ABLIM1: variants seen among roughly 807,000 people sequenced by gnomAD.
ABLIM1 encodes the protein actin binding LIM protein 1.
Under a neutral mutation model 107.0 loss-of-function variants are expected in ABLIM1, and 40 were observed. That is an observed-to-expected ratio of 0.37 (90% CI 0.29 to 0.49). The LOEUF is 0.49. ABLIM1 is among the 20% of genes least tolerant of loss of function. The pLI, the probability that ABLIM1 is intolerant of heterozygous loss-of-function variation, is 0.97. For missense variants in ABLIM1, 857 were observed against 1,008.5 expected, an observed-to-expected ratio of 0.85 and a Z score of 2.04; for synonymous variants, 357 against 357.3, an observed-to-expected ratio of 1.00 and a Z score of 0.01.
intron 6 of ABLIM1, among the ~76,000 whole-genome samples, chr10:114,498,716 T>C (rs1225418983): frequency 6.6e-6 from 1 of 152,152 alleles, no homozygotes; most frequent in Non-Finnish European, 1.5e-5. Flanking sequence ...TTTAAAACAA[T>C]TGATCAAGAA....
At chr10:114,787,366 C>T in the ABLIM1 span, among the ~76,000 whole-genome samples, 1 of 150,572 alleles carries the variant, frequency 6.6e-6, no homozygotes, top group African/African-American at 2.4e-5. Flanking sequence ...AAGTGAGGAG[C>T]GTCTCCACCC....
the ABLIM1 span, among the ~76,000 whole-genome samples, chr10:114,781,121 G>C: frequency 6.6e-6 from 1 of 152,096 alleles, no homozygotes; most frequent in African/African-American, 2.4e-5. Flanking sequence ...TTTGATGCCA[G>C]TACTAATGTT....
chr10:114,638,604 C>A (rs1315734304), intron 1 of ABLIM1, among the ~76,000 whole-genome samples: 2 of 150,792 alleles, frequency 1.3e-5, no homozygotes, highest in East Asian at 3.9e-4. Flanking sequence ...TAAAGAGCCT[C>A]TCGTCCCATG....
At chr10:114,494,096 T>C (rs1390376728) in intron 6 of ABLIM1, among the ~76,000 whole-genome samples, 1 of 152,312 alleles carries the variant, frequency 6.6e-6, no homozygotes, top group East Asian at 1.9e-4. Flanking sequence ...ACCAGTTGCA[T>C]AGCCATACAT....
At chr10:114,628,342 T>G (rs963425763) in intron 1 of ABLIM1, among the ~76,000 whole-genome samples, 3 of 152,258 alleles carry the variant, frequency 2.0e-5, no homozygotes, top group Admixed American at 6.5e-5. Flanking sequence ...GTGCTGCTGG[T>G]ATGTAGAGGT....
intron 2 of ABLIM1, among the ~76,000 whole-genome samples, chr10:114,584,002 A>G (rs1393046953): frequency 6.6e-6 from 1 of 152,030 alleles, no homozygotes; most frequent in East Asian, 1.9e-4. Context: ...TAGAAAAGCT[A>G]CCTATTGGGT....
chr10:114,653,293 A>G (rs2079338994), intron 1 of ABLIM1, among the ~76,000 whole-genome samples: 2 of 152,240 alleles, frequency 1.3e-5, no homozygotes, highest in Admixed American at 1.3e-4. Flanking sequence ...TGTAATCTCA[A>G]CACTTTGGGA....
At chr10:114,518,247 A>C (rs926378667) in intron 6 of ABLIM1, among the ~76,000 whole-genome samples, 3 of 152,200 alleles carry the variant, frequency 2.0e-5, no homozygotes, top group Admixed American at 2.0e-4. Context: ...CGTATTTGTA[A>C]GTATCTGCAT....
At position 114,684,292 on chromosome 10, in the gene ABLIM1, T is replaced by C. The variant is rs553793433; in HGVS notation, c.62A>G (p.Lys21Arg). 9 of 1,613,852 alleles carry C rather than the reference T, an allele frequency of 5.6e-6. No homozygotes were observed. The South Asian group carries it at 7.7e-5, about 14-fold the overall frequency. Residue 21 changes from lysine to arginine, a missense_variant and splice_region_variant, in exon 1 of 24, where the codon AAA becomes AGA. Coordinates refer to the ABLIM1 transcript ENST00000369256. Reference sequence around the variant, plus strand: ...CTTTACAAAATGGACGGTCTAACCTTTGTAGTCTCCCATGGTGTGATGAGG... The same window carrying C: ...CTTTACAAAATGGACGGTCTAACCTCTGTAGTCTCCCATGGTGTGATGAGG...
At chr10:114,504,370 C>T (rs778545959) in intron 6 of ABLIM1, among the ~76,000 whole-genome samples, 2 of 151,378 alleles carry the variant, frequency 1.3e-5, no homozygotes, top group African/African-American at 4.8e-5. Flanking sequence ...TCTCCTAAGT[C>T]CATTCCCCAC....
At chr10:114,734,419 C>T (rs2082137404) in intron 1 of ABLIM1, among the ~76,000 whole-genome samples, 2 of 152,168 alleles carry the variant, frequency 1.3e-5, no homozygotes, top group African/African-American at 4.8e-5. Context: ...AACCTTACTC[C>T]AATGACACTC....
intron 9 of ABLIM1, among the ~76,000 whole-genome samples, chr10:114,473,503 T>C (rs2066979526): frequency 1.3e-5 from 2 of 152,208 alleles, no homozygotes; most frequent in Non-Finnish European, 2.9e-5. Flanking sequence ...AATATTTAAA[T>C]ATCTTTGTGG....
chr10:114,491,169 C>T (rs1464350231), intron 7 of ABLIM1, among the ~76,000 whole-genome samples: 1 of 151,562 alleles, frequency 6.6e-6, no homozygotes, highest in East Asian at 1.9e-4. Context: ...TAAAAAGTAC[C>T]TCTTTGACAC....
intron 2 of ABLIM1, among the ~76,000 whole-genome samples, chr10:114,578,785 CTTTTTTTT>C (rs35420465): frequency 9.0e-6 from 1 of 111,720 alleles, no homozygotes; most frequent in Non-Finnish European, 1.7e-5. Flanking sequence ...TCTTTCTTTT[CTTTTTTTT>C]TTTTTTTTTG....
chr10:114,574,111 A>G (rs2072114866), intron 3 of ABLIM1, among the ~76,000 whole-genome samples: 1 of 152,208 alleles, frequency 6.6e-6, no homozygotes, highest in African/African-American at 2.4e-5. Flanking sequence ...ACAATATTGA[A>G]TCTTCCCTTC....
Position 114,649,504 on chromosome 10 carries a change from C to T in ABLIM1, c.244+8453G>A, listed in dbSNP as rs1429588388. On this transcript the variant is annotated intron_variant, in intron 1 of 22. Coordinates refer to ENST00000533213, the MANE Select transcript of ABLIM1 (RefSeq NM_002313.7). The stretch of plus-strand genomic sequence containing the variant: ...TCTACCTTTGAGAAATATCTAGAAT[C>T]CTCGTGCATATCATATCATAGTCTA... Among the ~76,000 whole-genome samples the T allele has an allele frequency of 2.6e-5, 4 of 151,944 alleles. No individual in the cohort carries two copies. In the East Asian group the frequency reaches 5.8e-4, roughly 22 times the overall value.
intron 7 of ABLIM1, among the ~76,000 whole-genome samples, chr10:114,490,799 T>C (rs988966689): frequency 3.3e-5 from 5 of 151,130 alleles, no homozygotes; most frequent in East Asian, 1.9e-4. Context: ...CCTTTATATA[T>C]ATATGTATGC....
At chr10:114,645,912 A>G (rs1335121964) in intron 1 of ABLIM1, among the ~76,000 whole-genome samples, 8 of 152,178 alleles carry the variant, frequency 5.3e-5, no homozygotes, top group Admixed American at 3.9e-4. Context: ...ATTTTATAAC[A>G]TTTACACATA....
chr10:114,584,807 CAG>C (rs1293437432), intron 2 of ABLIM1, among the ~76,000 whole-genome samples: 1 of 152,098 alleles, frequency 6.6e-6, no homozygotes, highest in Non-Finnish European at 1.5e-5. Flanking sequence ...GTATTTAATT[CAG>C]AGTTTGAATT....
Sources: allele counts gnomAD v4.1 joint callset (sites outside exome capture counted in the v4.1 genomes callset), GRCh38; gene constraint gnomAD v4.1.1; transcripts MANE v1.5; gene names NCBI Gene and HGNC (gene_info 2026-07-23, HGNC 2026-07-21).